Variants in ROBO2 observed in about 807,000 individuals in gnomAD.
ROBO2 encodes roundabout guidance receptor 2.
Under a neutral mutation model 160.8 loss-of-function variants are expected in ROBO2, and 53 were observed. That is an observed-to-expected ratio of 0.33 (90% confidence interval 0.26 to 0.41). The LOEUF is 0.41. Ranked by LOEUF, ROBO2 falls within the 10% of genes least tolerant of loss-of-function variation. The pLI, the probability that ROBO2 is intolerant of heterozygous loss-of-function variation, is 1.00. For missense variants in ROBO2, 1,577 were observed against 1,722.4 expected (o/e 0.92, Z 1.49); for synonymous variants, 664 against 611.7 (o/e 1.09, Z -1.26).
chr3:76,877,870 G>A (rs954144069), intron 2 of ROBO2, among the ~76,000 whole-genome samples: 8 of 152,104 alleles, frequency 5.3e-5, no homozygotes, highest in African/African-American at 1.9e-4. Flanking sequence ...AGAGAGAGAG[G>A]AAGAAGTAAA....
At chr3:76,637,872 A>G (rs1003128234) in intron 2 of ROBO2, among the ~76,000 whole-genome samples, 1 of 152,214 alleles carries the variant, frequency 6.6e-6, no homozygotes, top group African/African-American at 2.4e-5. Context: ...GCAGATTTAC[A>G]TAGAATCTAA....
intron 2 of ROBO2, among the ~76,000 whole-genome samples, chr3:76,039,093 G>A (rs1325143702): frequency 6.6e-6 from 1 of 151,908 alleles, no homozygotes; most frequent in African/African-American, 2.4e-5. Flanking sequence ...AAGAAACTGC[G>A]TAATTGACTT....
At chr3:76,237,263 G>T (rs1324880871) in intron 2 of ROBO2, among the ~76,000 whole-genome samples, 1 of 152,068 alleles carries the variant, frequency 6.6e-6, no homozygotes, top group Non-Finnish European at 1.5e-5. Context: ...GTGAAAGAAG[G>T]TCTACATTAC....
At chr3:77,324,080 T>C (rs1359004428) in intron 2 of ROBO2, among the ~76,000 whole-genome samples, 1 of 152,306 alleles carries the variant, frequency 6.6e-6, no homozygotes, top group East Asian at 1.9e-4. Flanking sequence ...ATTTGCTGCT[T>C]GGGACAGTCC....
intron 2 of ROBO2, among the ~76,000 whole-genome samples, chr3:76,076,011 A>G (rs2068634412): frequency 6.6e-6 from 1 of 152,264 alleles, no homozygotes; most frequent in Non-Finnish European, 1.5e-5. Flanking sequence ...TTTAGCAAAT[A>G]GCTCAATGAA....
intron 2 of ROBO2, among the ~76,000 whole-genome samples, chr3:76,555,243 T>C (rs995562405): frequency 5.9e-5 from 9 of 151,850 alleles, no homozygotes; most frequent in African/African-American, 1.2e-4. Context: ...TTTTTAATAA[T>C]AACATGTGCA....
intron 21 of ROBO2, among the ~76,000 whole-genome samples, chr3:77,612,869 C>T (rs1465749449): frequency 1.3e-5 from 2 of 151,952 alleles, no homozygotes; most frequent in East Asian, 1.9e-4. Context: ...AGGAGAATGG[C>T]GTGAACTTGG....
At chr3:76,743,963 A>C (rs1014422392) in intron 2 of ROBO2, among the ~76,000 whole-genome samples, 4 of 152,120 alleles carry the variant, frequency 2.6e-5, no homozygotes, top group African/African-American at 9.7e-5. Flanking sequence ...TAATTAGGAA[A>C]ATGCTAATGA....
chr3:76,172,325 A>G (rs534316640), intron 2 of ROBO2, among the ~76,000 whole-genome samples: 2 of 151,776 alleles, frequency 1.3e-5, no homozygotes, highest in East Asian at 3.9e-4. Flanking sequence ...AGATATACCT[A>G]ATGTAAATGA....
At chr3:75,931,408 G>A (rs1225692303) in intron 1 of ROBO2, among the ~76,000 whole-genome samples, 2 of 152,098 alleles carry the variant, frequency 1.3e-5, no homozygotes, top group Admixed American at 6.6e-5. Flanking sequence ...CTGGAGTGCA[G>A]TGGCACAATC....
rs541288272 is a variant in ROBO2 at position 77,041,414 on chromosome 3, G to C, written c.61+568G>C. On this transcript the variant is annotated intron_variant, in intron 1 of 25. Transcript: ENST00000461745. ...TGAGACTGGGCGAGGCTCCACGAAG[G>C]GGGAAGCATCAGCTATGGGCTGGCC... is the stretch of plus-strand genomic sequence containing the variant. Among the ~76,000 whole-genome samples the C allele has an allele frequency of 5.9e-5, 9 of 152,318 alleles. No individual in the cohort carries two copies. In the East Asian group the frequency reaches 9.7e-4, roughly 16 times the overall value.
At chr3:76,010,508 A>G (rs895902842) in intron 2 of ROBO2, among the ~76,000 whole-genome samples, 4 of 152,240 alleles carry the variant, frequency 2.6e-5, no homozygotes, top group South Asian at 4.1e-4. Context: ...TAATTTCCCC[A>G]GAGTCATTGA....
chr3:76,157,882 A>G (rs2072468109), intron 2 of ROBO2, among the ~76,000 whole-genome samples: 1 of 151,508 alleles, frequency 6.6e-6, no homozygotes, highest in Admixed American at 6.7e-5. Context: ...CAGAATGTTC[A>G]CATCTTCTCT....
intron 2 of ROBO2, among the ~76,000 whole-genome samples, chr3:76,514,421 T>C (rs992899325): frequency 4.6e-5 from 7 of 152,208 alleles, no homozygotes; most frequent in Admixed American, 3.3e-4. Flanking sequence ...AATTGTCCTT[T>C]ATTCAGCTGA....
chr3:76,221,229 T>A (rs1314757111), intron 2 of ROBO2, among the ~76,000 whole-genome samples: 2 of 152,138 alleles, frequency 1.3e-5, no homozygotes, highest in Non-Finnish European at 1.5e-5. Flanking sequence ...AAGCAAAAAT[T>A]TTGCTAGTGG....
chr3:77,078,737 C>T (rs1414559948), intron 1 of ROBO2, among the ~76,000 whole-genome samples: 1 of 152,082 alleles, frequency 6.6e-6, no homozygotes, highest in Non-Finnish European at 1.5e-5. Context: ...TGGTGTGTGT[C>T]ACTGGCTGTC....
rs1446956096 is a variant in ROBO2 at position 77,188,966 on chromosome 3, T to TGA, written c.388+90627_388+90628insAG. 1.8e-3 allele frequency among the ~76,000 whole-genome samples: 227 copies of TGA among 125,062 alleles called. 2 individuals carry two copies. The highest frequency in any genetic ancestry group is 5.8e-3 in the African/African-American group (207 of 35,584). The allele number at this position is 125,062 out of a possible 152,430, so 82.0% of individuals were successfully genotyped here. A position where few individuals can be genotyped will look rare whatever the true frequency, so the allele number is the denominator to read the frequency against. The stretch of plus-strand genomic sequence containing the variant: ...TTGTAATCTTGTGTGTGTGTGTGTG[T>TGA]GTGAGAGAGAGAGAGAGAGAGAGAG... On this transcript the variant is annotated intron_variant, in intron 2 of 25. Transcript: ENST00000461745.
chr3:76,059,636 C>T (rs566295170), intron 2 of ROBO2, among the ~76,000 whole-genome samples: 1 of 152,138 alleles, frequency 6.6e-6, no homozygotes, highest in Non-Finnish European at 1.5e-5. Context: ...TTTTGCTGGG[C>T]AGAAGCTCTT....
At position 75,925,330 on chromosome 3, in the gene ROBO2, C is replaced by T. The variant is rs147438731; in HGVS notation, c.-13-12151C>T. 1.8e-4 allele frequency among the ~76,000 whole-genome samples: 28 copies of T among 152,122 alleles called. No homozygotes were observed. In the East Asian group the frequency reaches 5.5e-3, roughly 30 times the overall value. Reference sequence around the variant, plus strand: ...ATCTGAGCCCGGGAGGTGGAGGCTGCGGTGAACCGTGATTATGCCACTGCG... The same window carrying T: ...ATCTGAGCCCGGGAGGTGGAGGCTGTGGTGAACCGTGATTATGCCACTGCG... On this transcript the variant is annotated intron_variant, in intron 1 of 26. Coordinates refer to the ROBO2 transcript ENST00000487694.
Sources: allele counts gnomAD v4.1 joint callset (sites outside exome capture counted in the v4.1 genomes callset), GRCh38; gene constraint gnomAD v4.1.1; transcripts MANE v1.5; gene names NCBI Gene and HGNC (gene_info 2026-07-23, HGNC 2026-07-21).